Variants in CLCN5 observed in about 807,000 individuals in gnomAD.
CLCN5 encodes the protein H(+)/Cl(-) exchange transporter 5.
A neutral mutation model predicts 54.0 loss-of-function variants in CLCN5; 17 were observed. The ratio of observed to expected loss-of-function variants is 0.31; its 90% CI spans 0.22 to 0.47. CLCN5 has a LOEUF of 0.47. Among genes scored for constraint, CLCN5 ranks in the 20% least tolerant of loss-of-function variants. CLCN5 has a pLI of 1.00. For synonymous variants in CLCN5, 222 were observed against 233.0 expected (o/e 0.95, Z 0.43); for missense variants, 448 against 646.7 (o/e 0.69, Z 3.33).
rs1235950912 is a variant in CLCN5 at position 50,056,052 on chromosome X, G to GAT, written c.163+13603_163+13604dup. On this transcript the variant is annotated intron_variant, in intron 4 of 14. Coordinates refer to ENST00000376091, the MANE Select transcript of CLCN5 (RefSeq NM_001127898.4). ...TTCCCACATGAGATATATATATATA[G>GAT]ATATATATATATATGCTTTTTTGAA... is the stretch of plus-strand genomic sequence containing the variant. Among the ~76,000 whole-genome samples, 309 of 106,472 alleles carry GAT rather than the reference G, an allele frequency of 2.9e-3. 3 individuals carry two copies. Among genetic ancestry groups the GAT allele is most frequent in the African/African-American group, 3.8e-3 (113 of 29,401 alleles). 92.5% of individuals were successfully genotyped at this position (106,472 alleles called of 115,157 possible). A position where few individuals can be genotyped will look rare whatever the true frequency, so the allele number is the denominator to read the frequency against.
chrX:49,998,155 A>G (rs1929621417), intron 3 of CLCN5, among the ~76,000 whole-genome samples: 1 of 110,260 alleles, frequency 9.1e-6, no homozygotes, highest in African/African-American at 3.3e-5. Flanking sequence ...AGAATCAGGG[A>G]CTCCCGCCCT....
At chrX:50,085,569 G>A in intron 9 of CLCN5, 1 of 229,223 alleles carries the variant, frequency 4.4e-6, no homozygotes, top group South Asian at 5.7e-5. Context: ...TGTCATTAGA[G>A]CCTTCTTGAA....
At chrX:50,071,514 G>C (rs1417865154) in intron 5 of CLCN5, among the ~76,000 whole-genome samples, 2 of 111,812 alleles carry the variant, frequency 1.8e-5, no homozygotes, top group Non-Finnish European at 3.8e-5. Flanking sequence ...ATTAATGGTT[G>C]CATCTGAGGC....
At chrX:50,080,740 A>T in intron 8 of CLCN5, 24 bp downstream of exon 8, 2 of 1,159,164 alleles carry the variant, frequency 1.7e-6, no homozygotes, top group African/African-American at 3.5e-5. Context: ...AATGGTTTAT[A>T]AATGGTTACA....
At chrX:49,928,485 A>G (rs1177988698) in intron 3 of CLCN5, among the ~76,000 whole-genome samples, 1 of 112,096 alleles carries the variant, frequency 8.9e-6, no homozygotes, top group Non-Finnish European at 1.9e-5. Context: ...AGCCGTTATT[A>G]CTACTATCAC....
Position 50,042,468 on chromosome X carries a change from A to C in CLCN5, c.163+6A>C. The C allele has an allele frequency of 1.0e-6, 1 of 996,028 alleles. No homozygotes were observed. The highest frequency in any genetic ancestry group is 3.4e-5 in the South Asian group (1 of 29,807). 82.1% of individuals were successfully genotyped at this position (996,028 alleles called of 1,213,427 possible). On this transcript the variant is annotated splice_donor_region_variant and intron_variant, in intron 4 of 14. Transcript: ENST00000376091. The stretch of plus-strand genomic sequence containing the variant: ...CTTAGACCGAGAAGTAGGAGGTATC[A>C]TTATTGGTGATGATAATTTATCTTA...
chrX:49,923,756 T>G (rs1204147869), intron 2 of CLCN5: 2 of 112,248 alleles, frequency 1.8e-5, no homozygotes, highest in Non-Finnish European at 3.8e-5. Context: ...GTTCCTAGTT[T>G]TCTTGGACTT....
At chrX:50,005,577 A>C (rs1046615258) in intron 3 of CLCN5, among the ~76,000 whole-genome samples, 5 of 111,836 alleles carry the variant, frequency 4.5e-5, no homozygotes, top group African/African-American at 1.6e-4. Context: ...GCTTACTCTA[A>C]AGAGGATTTT....
At chrX:49,996,995 C>T (rs782529813) in intron 3 of CLCN5, among the ~76,000 whole-genome samples, 20 of 111,842 alleles carry the variant, frequency 1.8e-4, no homozygotes, top group Admixed American at 3.8e-4. Context: ...CCCCTTTGGT[C>T]ACTCTTCACT....
chrX:50,080,806 T>C, intron 8 of CLCN5, 90 bp downstream of exon 8: 2 of 772,074 alleles, frequency 2.6e-6, no homozygotes, highest in Non-Finnish European at 4.0e-6. Context: ...CATACCACAA[T>C]TTGATGAATG....
intron 3 of CLCN5, among the ~76,000 whole-genome samples, chrX:49,942,452 G>A (rs1206920714): frequency 9.2e-6 from 1 of 108,461 alleles, no homozygotes; most frequent in African/African-American, 3.4e-5. Context: ...TGTGCACAAT[G>A]TGCAGGTTTG....
chrX:49,981,382 A>G (rs1434315356), intron 3 of CLCN5, among the ~76,000 whole-genome samples: 2 of 111,373 alleles, frequency 1.8e-5, no homozygotes, highest in Admixed American at 1.9e-4. Context: ...AGCCTTACAC[A>G]TGTCTTTCTT....
chrX:50,039,820 G>A (rs1238878342), intron 3 of CLCN5, among the ~76,000 whole-genome samples: 8 of 110,458 alleles, frequency 7.2e-5, no homozygotes, highest in African/African-American at 2.6e-4. Flanking sequence ...AGCCTCCTGA[G>A]TAGCTGGGAT....
chrX:50,019,468 CTTT>C (rs1175073117), intron 3 of CLCN5, among the ~76,000 whole-genome samples: 15 of 47,674 alleles, frequency 3.1e-4, no homozygotes, highest in African/African-American at 1.1e-3. Flanking sequence ...TTTTTTTTTT[CTTT>C]TTTTTTTTTT....
At chrX:50,017,390 A>G (rs1557183704) in intron 3 of CLCN5, among the ~76,000 whole-genome samples, 1 of 112,252 alleles carries the variant, frequency 8.9e-6, no homozygotes, top group African/African-American at 3.2e-5. Flanking sequence ...ATCCCTTTCT[A>G]AGATATGTCT....
chrX:50,049,267 C>A (rs1932497782), intron 4 of CLCN5, among the ~76,000 whole-genome samples: 1 of 111,934 alleles, frequency 8.9e-6, no homozygotes, highest in Non-Finnish European at 1.9e-5. Context: ...CATTATGTTA[C>A]AGTTGACTAC....
At chrX:50,038,979 C>G (rs1481664165) in intron 3 of CLCN5, among the ~76,000 whole-genome samples, 1 of 111,481 alleles carries the variant, frequency 9.0e-6, no homozygotes, top group African/African-American at 3.3e-5. Context: ...AGTCATTCTA[C>G]CAATGAGATC....
chrX:49,944,463 G>A (rs1461945447), intron 3 of CLCN5, among the ~76,000 whole-genome samples: 1 of 111,599 alleles, frequency 9.0e-6, no homozygotes, highest in Non-Finnish European at 1.9e-5. Flanking sequence ...TGGTGAGAGA[G>A]GTCATCCCTG....
rs1294689252 is a variant in CLCN5 at position 50,060,547 on chromosome X, G to C, written c.164-9332G>C. On this transcript the variant is annotated intron_variant, in intron 4 of 14. Transcript: ENST00000376091. ...GCTGATTGCTAGCACAGCAGTCTGA[G>C]ATCAAACTGCAAGGCGGCAGCGAGG... Among the ~76,000 whole-genome samples the C allele has an allele frequency of 5.6e-5, 6 of 107,913 alleles. No individual in the cohort carries two copies. The Admixed American group carries it at 5.9e-4, about 11-fold the overall frequency. 93.7% of individuals were successfully genotyped at this position (107,913 alleles called of 115,157 possible).
Sources: allele counts gnomAD v4.1 joint callset (sites outside exome capture counted in the v4.1 genomes callset), GRCh38; gene constraint gnomAD v4.1.1; transcripts MANE v1.5; gene names NCBI Gene and HGNC (gene_info 2026-07-23, HGNC 2026-07-21).